NBAS: variants seen among roughly 807,000 people sequenced by gnomAD.
NBAS encodes NBAS subunit of NRZ tethering complex, also known as NAG/BC035112 fusion.
NBAS carries 219 observed loss-of-function variants against 302.5 expected under a neutral mutation model. The observed-to-expected ratio is 0.72, with a 90% CI of 0.65 to 0.81. NBAS has a LOEUF of 0.81. NBAS is among the 30% of genes least tolerant of loss of function. NBAS has a pLI of 0.00. For missense variants in NBAS, 2,932 were observed against 2,841.6 expected (o/e 1.03, Z -0.72); for synonymous variants, 1,118 against 1,021.6 (o/e 1.09, Z -1.80).
intron 20 of NBAS, 101 bp downstream of exon 20, chr2:15,461,586 A>G (rs1309957616): frequency 2.5e-6 from 2 of 805,320 alleles, no homozygotes; most frequent in African/African-American, 3.5e-5. Flanking sequence ...TAAAACAAAA[A>G]AGAAAATGTA....
At chr2:15,160,221 A>G in the NBAS span, among the ~76,000 whole-genome samples, 3 of 152,102 alleles carry the variant, frequency 2.0e-5, no homozygotes, top group African/African-American at 7.2e-5. Flanking sequence ...TAAGGAGACC[A>G]GGTAGAAAAT....
chr2:15,170,418 ACGGAAATGAAATG>A (rs1431320239), intron 51 of NBAS, among the ~76,000 whole-genome samples: 1 of 152,192 alleles, frequency 6.6e-6, no homozygotes, highest in Non-Finnish European at 1.5e-5. Flanking sequence ...GGCTAAAGAC[ACGGAAATGAAATG>A]CATGCTTCCT....
intron 44 of NBAS, among the ~76,000 whole-genome samples, chr2:15,241,249 G>T (rs189072194): frequency 4.6e-5 from 7 of 152,194 alleles, no homozygotes; most frequent in African/African-American, 1.7e-4. Flanking sequence ...AAATTACTTG[G>T]CTATATCAGC....
At chr2:15,464,449 A>G (rs1679638574) in intron 19 of NBAS, among the ~76,000 whole-genome samples, 1 of 152,084 alleles carries the variant, frequency 6.6e-6, no homozygotes, top group Non-Finnish European at 1.5e-5. Context: ...CTCTGCTCCT[A>G]AAAAGCCTCA....
chr2:15,468,332 G>A (rs2148574025), intron 17 of NBAS, 50 bp downstream of exon 17: 5 of 1,607,380 alleles, frequency 3.1e-6, no homozygotes, highest in Non-Finnish European at 4.3e-6. Flanking sequence ...CAGTACAAAA[G>A]TTTTCACAAA....
intron 11 of NBAS, among the ~76,000 whole-genome samples, chr2:15,493,875 G>A (rs554361205): frequency 2.1e-5 from 3 of 146,046 alleles, no homozygotes; most frequent in East Asian, 2.0e-4. Flanking sequence ...CTCCCATGCC[G>A]GAGTACAGTG....
chr2:14,844,799 T>C, the NBAS span, among the ~76,000 whole-genome samples: 2 of 152,026 alleles, frequency 1.3e-5, no homozygotes, highest in South Asian at 2.1e-4. Context: ...ATGGGGGCCA[T>C]AGGATGAGGC....
chr2:15,352,582 C>G (rs1455665734), intron 34 of NBAS, among the ~76,000 whole-genome samples: 1 of 152,144 alleles, frequency 6.6e-6, no homozygotes, highest in East Asian at 1.9e-4. Context: ...TCTTGTGCCC[C>G]TTCTCTCCTG....
intron 40 of NBAS, among the ~76,000 whole-genome samples, chr2:15,294,611 G>A (rs775704743): frequency 1.3e-5 from 2 of 152,146 alleles, no homozygotes; most frequent in Non-Finnish European, 2.9e-5. Flanking sequence ...CTGCTCATGG[G>A]CCAGCTGGCC....
the NBAS span, among the ~76,000 whole-genome samples, chr2:14,787,835 A>G: frequency 6.6e-6 from 1 of 152,186 alleles, no homozygotes; most frequent in South Asian, 2.1e-4. Context: ...TCTTTGTGGC[A>G]TTCTCTGTAT....
the NBAS span, among the ~76,000 whole-genome samples, chr2:14,968,603 G>A: frequency 5.9e-5 from 9 of 152,078 alleles, no homozygotes; most frequent in East Asian, 1.9e-4. Context: ...GTGCCTGGCC[G>A]AACATGTTTA....
At chr2:14,915,938 G>C in the NBAS span, among the ~76,000 whole-genome samples, 1,923 of 152,148 alleles carry the variant, frequency 0.013, 37 homozygotes, top group African/African-American at 0.04. Flanking sequence ...ATGTGACTTG[G>C]TTCTCCTTGC....
chr2:15,435,366 A>C (rs1183900668), intron 21 of NBAS, among the ~76,000 whole-genome samples: 2 of 152,188 alleles, frequency 1.3e-5, no homozygotes, highest in African/African-American at 4.8e-5. Flanking sequence ...TGGACATTTC[A>C]CACACTATTT....
intron 25 of NBAS, among the ~76,000 whole-genome samples, chr2:15,407,746 T>C (rs1156878055): frequency 6.6e-6 from 1 of 152,246 alleles, no homozygotes; most frequent in African/African-American, 2.4e-5. Context: ...TATGCCATAT[T>C]ATTTTTCTAT....
chr2:15,287,600 T>A (rs974760670), intron 41 of NBAS, among the ~76,000 whole-genome samples: 1 of 151,952 alleles, frequency 6.6e-6, no homozygotes, highest in African/African-American at 2.4e-5. Flanking sequence ...TGCGTGGGCA[T>A]CTCCCAGTAG....
chr2:15,431,526 G>GT (rs1677763899), intron 21 of NBAS, among the ~76,000 whole-genome samples: 1 of 152,130 alleles, frequency 6.6e-6, no homozygotes, highest in Non-Finnish European at 1.5e-5. Context: ...ACCCAAAATA[G>GT]TATCTGGCAT....
At position 15,309,669 on chromosome 2, in the gene NBAS, T is replaced by G. The variant is rs540008164; in HGVS notation, c.4583-422A>C. Among the ~76,000 whole-genome samples, 131 of 152,252 alleles carry G rather than the reference T, an allele frequency of 8.6e-4. 1 individual carries two copies. In the Middle Eastern group the frequency reaches 0.017, roughly 20 times the overall value. Reference sequence around the variant, plus strand: ...TAGCTTTAGGAGTGCAAATTTAGAGTAAATCTTTTGATTACTACAATGATG... The same window carrying G: ...TAGCTTTAGGAGTGCAAATTTAGAGGAAATCTTTTGATTACTACAATGATG... On this transcript the variant is annotated intron_variant, in intron 38 of 51. Transcript: ENST00000281513.
chr2:15,305,845 G>C (rs1671012524), intron 40 of NBAS, among the ~76,000 whole-genome samples: 1 of 152,194 alleles, frequency 6.6e-6, no homozygotes, highest in Non-Finnish European at 1.5e-5. Flanking sequence ...CAAACAGTAG[G>C]ACCTTAATAA....
the NBAS span, among the ~76,000 whole-genome samples, chr2:14,790,725 C>T: frequency 6.6e-6 from 1 of 150,478 alleles, no homozygotes; most frequent in African/African-American, 2.5e-5. Context: ...GATCTCGGCT[C>T]ACCACAACCT....
Sources: gnomAD v4.1 joint callset for allele counts (sites outside exome capture counted in the v4.1 genomes callset) on GRCh38, gnomAD v4.1.1 for gene constraint, MANE v1.5 for transcripts, NCBI Gene and HGNC (gene_info 2026-07-23, HGNC 2026-07-21) for gene names.